The following ADAMTSL1 variants were observed in gnomAD, a reference collection of about 807,000 sequenced individuals.
ADAMTSL1 encodes the protein ADAMTS like 1.
Under a neutral mutation model 201.8 loss-of-function variants are expected in ADAMTSL1, and 126 were observed. The observed-to-expected ratio is 0.62, with a 90% CI of 0.54 to 0.72. The LOEUF (loss-of-function observed/expected upper bound fraction) is 0.72, where lower values mean the gene tolerates loss of function less well. ADAMTSL1 is among the 30% of genes least tolerant of loss of function. The pLI, the probability that ADAMTSL1 is intolerant of heterozygous loss-of-function variation, is 0.00. For missense variants in ADAMTSL1, 2,679 were observed against 2,277.8 expected (o/e 1.18, Z -3.59); for synonymous variants, 1,121 against 903.4 (o/e 1.24, Z -4.32).
intron 1 of ADAMTSL1, among the ~76,000 whole-genome samples, chr9:18,002,550 A>C (rs1819656527): frequency 1.3e-5 from 2 of 152,128 alleles, no homozygotes; most frequent in Non-Finnish European, 2.9e-5. Context: ...GAACTACTTT[A>C]TAATATACAT....
At chr9:18,782,356 A>G (rs1256413718) in intron 19 of ADAMTSL1, among the ~76,000 whole-genome samples, 1 of 152,246 alleles carries the variant, frequency 6.6e-6, no homozygotes, top group Non-Finnish European at 1.5e-5. Flanking sequence ...CTTGGAGTTT[A>G]CATGCATTTG....
At chr9:18,539,315 G>C (rs895328358) in intron 3 of ADAMTSL1, among the ~76,000 whole-genome samples, 23 of 152,172 alleles carry the variant, frequency 1.5e-4, no homozygotes, top group Admixed American at 1.2e-3. Flanking sequence ...TAGGAGAAAA[G>C]ACAAATACAC....
intron 2 of ADAMTSL1, among the ~76,000 whole-genome samples, chr9:18,353,280 A>T (rs1836058562): frequency 6.6e-6 from 1 of 152,234 alleles, no homozygotes; most frequent in Non-Finnish European, 1.5e-5. Flanking sequence ...AGCACTTACT[A>T]TGCACTAGAC....
At chr9:18,465,266 GC>G (rs1050701466) in intron 2 of ADAMTSL1, among the ~76,000 whole-genome samples, 2 of 152,156 alleles carry the variant, frequency 1.3e-5, no homozygotes, top group African/African-American at 4.8e-5. Context: ...ATATAGCTTG[GC>G]CCGTTCCGTT....
chr9:18,672,951 T>C (rs777699721), intron 9 of ADAMTSL1, among the ~76,000 whole-genome samples: 33 of 152,204 alleles, frequency 2.2e-4, no homozygotes, highest in Non-Finnish European at 3.7e-4. Flanking sequence ...TACTGCCCAG[T>C]GTAAGAGAAA....
intron 1 of ADAMTSL1, among the ~76,000 whole-genome samples, chr9:18,003,356 AAG>A (rs980070151): frequency 2.0e-5 from 3 of 152,114 alleles, no homozygotes; most frequent in Admixed American, 6.6e-5. Context: ...GCAAATACTC[AAG>A]AGAGAGAGGA....
intron 1 of ADAMTSL1, among the ~76,000 whole-genome samples, chr9:17,980,971 T>G (rs1818667507): frequency 6.6e-6 from 1 of 152,116 alleles, no homozygotes; most frequent in Non-Finnish European, 1.5e-5. Flanking sequence ...AACCAGCTTT[T>G]GGGGAAACTC....
chr9:18,452,290 G>A (rs1426560357), intron 2 of ADAMTSL1, among the ~76,000 whole-genome samples: 1 of 152,046 alleles, frequency 6.6e-6, no homozygotes, highest in Non-Finnish European at 1.5e-5. Flanking sequence ...CCATTCACAA[G>A]GGCAGAACCT....
At chr9:17,925,230 A>C (rs1221704197) in intron 1 of ADAMTSL1, among the ~76,000 whole-genome samples, 1 of 119,876 alleles carries the variant, frequency 8.3e-6, no homozygotes, top group African/African-American at 2.8e-5. Flanking sequence ...GATGTGGAGA[A>C]ATAGGAACAC....
intron 2 of ADAMTSL1, among the ~76,000 whole-genome samples, chr9:18,438,724 C>A (rs1321162115): frequency 2.0e-5 from 3 of 152,156 alleles, no homozygotes; most frequent in African/African-American, 7.2e-5. Flanking sequence ...AACTCCTCCG[C>A]AGCTAGTGAG....
At position 17,992,933 on chromosome 9, in the gene ADAMTSL1, A is replaced by T. The variant is rs534991270; in HGVS notation, c.87+86011A>T. ...AACCCTTTACTGAATTCGAAAATCA[A>T]ACTGAATGGAAAATTGCAAATGTGA... On this transcript the variant is annotated intron_variant, in intron 1 of 29. Coordinates refer to the ADAMTSL1 transcript ENST00000680146. Among the ~76,000 whole-genome samples the T allele has an allele frequency of 4.6e-5, 7 of 152,286 alleles. No homozygotes were observed. The South Asian group carries it at 1.0e-3, about 23-fold the overall frequency.
intron 17 of ADAMTSL1, among the ~76,000 whole-genome samples, chr9:18,772,115 T>C (rs1457354498): frequency 6.6e-6 from 1 of 152,204 alleles, no homozygotes; most frequent in Admixed American, 6.5e-5. Flanking sequence ...TGCATGTTAG[T>C]GACAATTTTT....
intron 2 of ADAMTSL1, among the ~76,000 whole-genome samples, chr9:18,399,325 AT>A (rs1817887988): frequency 3.4e-5 from 4 of 119,252 alleles, no homozygotes; most frequent in East Asian, 2.4e-4. Flanking sequence ...ATATATATAT[AT>A]ATAAAATTAT....
intron 15 of ADAMTSL1, among the ~76,000 whole-genome samples, chr9:18,733,908 C>T (rs1818364485): frequency 6.6e-6 from 1 of 151,904 alleles, no homozygotes; most frequent in East Asian, 1.9e-4. Context: ...CCACCCCCAC[C>T]CCCATTCATT....
intron 2 of ADAMTSL1, among the ~76,000 whole-genome samples, chr9:18,417,639 A>G (rs894641445): frequency 1.5e-4 from 23 of 152,206 alleles, no homozygotes; most frequent in East Asian, 3.9e-4. Context: ...TAGATGGACC[A>G]ATTCCTAGCA....
At chr9:18,049,545 A>G (rs1342812954) in intron 1 of ADAMTSL1, among the ~76,000 whole-genome samples, 2 of 151,708 alleles carry the variant, frequency 1.3e-5, no homozygotes, top group Admixed American at 6.6e-5. Context: ...AAGCCACTTT[A>G]TGGGACCAGC....
At chr9:18,304,371 C>T (rs1833826078) in intron 2 of ADAMTSL1, among the ~76,000 whole-genome samples, 1 of 151,996 alleles carries the variant, frequency 6.6e-6, no homozygotes, top group African/African-American at 2.4e-5. Context: ...AAAAGAAAAC[C>T]TTGTGAGCTC....
chr9:18,574,594 T>TG (rs1491212734), intron 4 of ADAMTSL1: 12 of 380,122 alleles, frequency 3.2e-5, no homozygotes, highest in East Asian at 2.9e-4. Context: ...TGTGTTTGTG[T>TG]TTGTGTGTGT....
intron 7 of ADAMTSL1, among the ~76,000 whole-genome samples, chr9:18,653,544 G>A (rs1185993335): frequency 6.6e-6 from 1 of 151,830 alleles, no homozygotes; most frequent in African/African-American, 2.4e-5. Context: ...TGGGAGCTGA[G>A]GCAGGAGAAC....
Sources: allele counts gnomAD v4.1 joint callset (sites outside exome capture counted in the v4.1 genomes callset), GRCh38; gene constraint gnomAD v4.1.1; transcripts MANE v1.5; gene names NCBI Gene and HGNC (gene_info 2026-07-23, HGNC 2026-07-21).